TSPAN15: variants seen among roughly 807,000 people sequenced by gnomAD.
The protein encoded by TSPAN15 is tetraspanin-15.
TSPAN15 carries 20 observed loss-of-function variants against 34.5 expected under a neutral mutation model. The observed-to-expected ratio is 0.58, with a 90% confidence interval of 0.41 to 0.84. The LOEUF (loss-of-function observed/expected upper bound fraction) is 0.84. Among genes scored for constraint, TSPAN15 ranks in the 40% least tolerant of loss-of-function variants. The probability of loss-of-function intolerance (pLI) is 0.00; values close to 1 mark genes in which losing one functional copy is unlikely to be tolerated. For synonymous variants in TSPAN15, 155 were observed against 153.9 expected, an observed-to-expected ratio of 1.01 and a Z score of -0.05; for missense variants, 313 against 386.1, an observed-to-expected ratio of 0.81 and a Z score of 1.59.
At chr10:69,488,293 G>T (rs1280380682) in intron 3 of TSPAN15, among the ~76,000 whole-genome samples, 2 of 152,172 alleles carry the variant, frequency 1.3e-5, no homozygotes, top group Non-Finnish European at 2.9e-5. Context: ...GGGAGGAGCG[G>T]CCTGGCTGTT....
intron 1 of TSPAN15, among the ~76,000 whole-genome samples, chr10:69,459,924 C>CT (rs893801806): frequency 2.3e-5 from 3 of 132,676 alleles, no homozygotes; most frequent in Admixed American, 7.6e-5. Context: ...CTAGGCACCC[C>CT]CCCCCCACGA....
the TSPAN15 span, among the ~76,000 whole-genome samples, chr10:69,532,808 A>G: frequency 4.6e-5 from 7 of 152,232 alleles, no homozygotes; most frequent in Admixed American, 1.3e-4. Context: ...TCCAGAATCT[A>G]CAATGAACTC....
chr10:69,487,653 T>C (rs28489933), intron 3 of TSPAN15, among the ~76,000 whole-genome samples: 11,160 of 152,284 alleles, frequency 0.073, 1,333 homozygotes, highest in African/African-American at 0.25. Flanking sequence ...TTCTAGTGCA[T>C]TGCTGCAGAG....
the TSPAN15 span, among the ~76,000 whole-genome samples, chr10:69,530,812 CTCTCTCTCTATATATATAT>C: frequency 1.5e-5 from 1 of 66,734 alleles, no homozygotes; most frequent in African/African-American, 5.8e-5. Flanking sequence ...CTCTCTCTCT[CTCTCTCTCTATATATATAT>C]ATATATATAT....
At chr10:69,493,633 T>C (rs1271340079) in intron 3 of TSPAN15, among the ~76,000 whole-genome samples, 2 of 152,078 alleles carry the variant, frequency 1.3e-5, no homozygotes, top group Non-Finnish European at 2.9e-5. Flanking sequence ...CTGCCACGCC[T>C]GGCTAATTTT....
chr10:69,499,997 G>A (rs184732815), intron 5 of TSPAN15, among the ~76,000 whole-genome samples: 3 of 152,244 alleles, frequency 2.0e-5, no homozygotes, highest in Non-Finnish European at 1.5e-5. Flanking sequence ...TTGAGTGATG[G>A]ACCATACAGG....
chr10:69,533,677 T>C, the TSPAN15 span, among the ~76,000 whole-genome samples: 2 of 151,916 alleles, frequency 1.3e-5, no homozygotes, highest in African/African-American at 2.4e-5. Flanking sequence ...AGAAAAAATA[T>C]AGAAAAAAGA....
intron 1 of TSPAN15, among the ~76,000 whole-genome samples, chr10:69,468,354 T>C (rs1227679909): frequency 2.0e-5 from 3 of 152,078 alleles, no homozygotes; most frequent in Non-Finnish European, 2.9e-5. Context: ...AGTGCACTGA[T>C]GTGTAGGGCA....
chr10:69,463,896 A>G (rs1022080475), intron 1 of TSPAN15, among the ~76,000 whole-genome samples: 1 of 152,184 alleles, frequency 6.6e-6, no homozygotes, highest in African/African-American at 2.4e-5. Flanking sequence ...GTTTTTGCAG[A>G]TATAATTCAG....
At chr10:69,545,402 T>C in the TSPAN15 span, among the ~76,000 whole-genome samples, 3 of 152,120 alleles carry the variant, frequency 2.0e-5, no homozygotes, top group Non-Finnish European at 4.4e-5. Flanking sequence ...GCGGGTTTCA[T>C]CCAGAGACTC....
At chr10:69,500,932 T>G (rs762212881) in intron 5 of TSPAN15, among the ~76,000 whole-genome samples, 5 of 152,144 alleles carry the variant, frequency 3.3e-5, no homozygotes, top group Non-Finnish European at 7.4e-5. Flanking sequence ...TGCTTGGAGC[T>G]GGGTGGTGGT....
chr10:69,491,194 C>T (rs776642783), intron 3 of TSPAN15, among the ~76,000 whole-genome samples: 4 of 152,200 alleles, frequency 2.6e-5, no homozygotes, highest in Non-Finnish European at 5.9e-5. Context: ...CCTGGGTTCT[C>T]TTCCATTCCT....
At chr10:69,496,320 C>CAATAATAATAATAAT (rs3028371) in intron 4 of TSPAN15, among the ~76,000 whole-genome samples, 95 of 132,500 alleles carry the variant, frequency 7.2e-4, no homozygotes, top group African/African-American at 1.5e-3. Flanking sequence ...TCTGTTGGTG[C>CAATAATAATAATAAT]AATAATAATA....
intron 5 of TSPAN15, among the ~76,000 whole-genome samples, chr10:69,501,227 G>A (rs1337682983): frequency 6.6e-6 from 1 of 152,180 alleles, no homozygotes; most frequent in Non-Finnish European, 1.5e-5. Context: ...TTGGATATAG[G>A]AGTCTGGAGT....
chr10:69,493,470 CTTTT>C (rs5785919), intron 3 of TSPAN15, among the ~76,000 whole-genome samples: 1 of 118,808 alleles, frequency 8.4e-6, no homozygotes, highest in African/African-American at 3.3e-5. Context: ...AGCCCATCTC[CTTTT>C]TTTTTTTTTT....
chr10:69,496,281 A>G (rs1842079019), intron 4 of TSPAN15, among the ~76,000 whole-genome samples: 1 of 150,922 alleles, frequency 6.6e-6, no homozygotes, highest in South Asian at 2.1e-4. Context: ...CTTTTGGGAC[A>G]CCATCTCTCC....
chr10:69,452,381 A>G (rs953034511), intron 1 of TSPAN15, among the ~76,000 whole-genome samples: 4 of 151,982 alleles, frequency 2.6e-5, no homozygotes, highest in Non-Finnish European at 5.9e-5. Context: ...TTTATTTTTT[A>G]TTTAAAACAT....
At chr10:69,488,749 C>G (rs1203562550) in intron 3 of TSPAN15, among the ~76,000 whole-genome samples, 1 of 152,138 alleles carries the variant, frequency 6.6e-6, no homozygotes, top group Non-Finnish European at 1.5e-5. Flanking sequence ...TCACAAAGAT[C>G]ACATGCTTCA....
chr10:69,477,900 T>G (rs1841650071), intron 1 of TSPAN15, among the ~76,000 whole-genome samples: 1 of 152,036 alleles, frequency 6.6e-6, no homozygotes, highest in Non-Finnish European at 1.5e-5. Flanking sequence ...GTATGTTGAT[T>G]AAGGGAGATG....
Sources: allele counts gnomAD v4.1 joint callset (sites outside exome capture counted in the v4.1 genomes callset), GRCh38; gene constraint gnomAD v4.1.1; transcripts MANE v1.5; gene names NCBI Gene and HGNC (gene_info 2026-07-23, HGNC 2026-07-21).